Variants in NPAS3 observed in about 807,000 individuals in gnomAD.
NPAS3 encodes neuronal PAS domain-containing protein 3.
NPAS3 carries 14 observed loss-of-function variants against 73.1 expected under a neutral mutation model. The ratio of observed to expected loss-of-function variants is 0.19; its 90% CI spans 0.13 to 0.30. The LOEUF (loss-of-function observed/expected upper bound fraction) is 0.30. NPAS3 is among the 10% of genes least tolerant of loss of function. NPAS3 has a pLI of 1.00. For missense variants in NPAS3, 1,096 were observed against 1,250.0 expected (o/e 0.88, Z 1.86); for synonymous variants, 620 against 541.5 (o/e 1.14, Z -2.01).
intron 3 of NPAS3, among the ~76,000 whole-genome samples, chr14:33,366,503 G>A (rs2045852278): frequency 6.6e-6 from 1 of 152,072 alleles, no homozygotes; most frequent in African/African-American, 2.4e-5. Flanking sequence ...GGAGTGTTCG[G>A]GAACTCCAGA....
chr14:33,334,923 G>A (rs1459748006), intron 3 of NPAS3, among the ~76,000 whole-genome samples: 1 of 152,010 alleles, frequency 6.6e-6, no homozygotes, highest in Non-Finnish European at 1.5e-5. Flanking sequence ...TGTGATGTTT[G>A]GTTTTCCATT....
intron 2 of NPAS3, among the ~76,000 whole-genome samples, chr14:33,151,162 CTT>C (rs1451649934): frequency 3.3e-5 from 5 of 152,208 alleles, no homozygotes; most frequent in Non-Finnish European, 7.3e-5. Context: ...TAACCGGCCT[CTT>C]TGTCAAGTTT....
At chr14:33,117,156 G>T (rs890347944) in intron 2 of NPAS3, among the ~76,000 whole-genome samples, 15 of 151,786 alleles carry the variant, frequency 9.9e-5, no homozygotes, top group Admixed American at 8.5e-4. Flanking sequence ...TCCAATCAGG[G>T]TATTTAGCAT....
intron 3 of NPAS3, among the ~76,000 whole-genome samples, chr14:33,276,882 G>A (rs2041360457): frequency 6.6e-6 from 1 of 152,066 alleles, no homozygotes; most frequent in Non-Finnish European, 1.5e-5. Context: ...CTGAGGGAAT[G>A]ATTGGTAGAT....
At chr14:33,005,029 A>G (rs2038952317) in intron 1 of NPAS3, among the ~76,000 whole-genome samples, 3 of 151,902 alleles carry the variant, frequency 2.0e-5, no homozygotes, top group Non-Finnish European at 4.4e-5. Context: ...ATACCTCCTG[A>G]AGAATCTGCC....
chr14:33,463,470 G>A (rs868767512), intron 4 of NPAS3, among the ~76,000 whole-genome samples: 13 of 152,050 alleles, frequency 8.5e-5, no homozygotes, highest in Admixed American at 2.0e-4. Flanking sequence ...AAATAATGAC[G>A]CAGTAATTAT....
chr14:33,460,936 A>G (rs540647408), intron 4 of NPAS3, among the ~76,000 whole-genome samples: 1 of 152,332 alleles, frequency 6.6e-6, no homozygotes, highest in East Asian at 1.9e-4. Context: ...TTTTTTAAAA[A>G]CAATCTTCTG....
intron 2 of NPAS3, among the ~76,000 whole-genome samples, chr14:33,089,928 C>T (rs1320758703): frequency 1.3e-5 from 2 of 152,164 alleles, no homozygotes; most frequent in African/African-American, 4.8e-5. Flanking sequence ...AAATAAAATC[C>T]TTTACAGACA....
At chr14:33,427,344 G>A (rs2048597583) in intron 4 of NPAS3, among the ~76,000 whole-genome samples, 1 of 151,860 alleles carries the variant, frequency 6.6e-6, no homozygotes, top group Non-Finnish European at 1.5e-5. Context: ...TCCTTAAAAA[G>A]TACAAACCAG....
intron 5 of NPAS3, among the ~76,000 whole-genome samples, chr14:33,662,759 T>C (rs558370176): frequency 6.6e-6 from 1 of 152,282 alleles, no homozygotes; most frequent in African/African-American, 2.4e-5. Context: ...TTGTCTATTA[T>C]TGGTGTATAG....
intron 3 of NPAS3, among the ~76,000 whole-genome samples, chr14:33,224,789 T>TTATGATTCTATGAAATCACAA: frequency 6.6e-6 from 1 of 152,152 alleles, no homozygotes; most frequent in Non-Finnish European, 1.5e-5. Flanking sequence ...TTTTATCATG[T>TTATGATTCTATGAAATCACAA]TATGATTCTA....
chr14:33,544,831 G>GTATA (rs1226225610), intron 4 of NPAS3, among the ~76,000 whole-genome samples: 4 of 81,102 alleles, frequency 4.9e-5, no homozygotes, highest in African/African-American at 2.1e-4. Flanking sequence ...ATATATATGT[G>GTATA]TATATATATA....
intron 4 of NPAS3, among the ~76,000 whole-genome samples, chr14:33,448,683 A>G (rs926658802): frequency 2.0e-5 from 3 of 152,222 alleles, no homozygotes; most frequent in African/African-American, 7.2e-5. Flanking sequence ...GGTCTTTATC[A>G]TAATGAGGAA....
intron 2 of NPAS3, among the ~76,000 whole-genome samples, chr14:33,115,330 A>G (rs2043027213): frequency 6.6e-6 from 1 of 152,168 alleles, no homozygotes; most frequent in East Asian, 1.9e-4. Flanking sequence ...AGGTAGGTGC[A>G]GTGAATTCAG....
chr14:33,651,461 C>G (rs1221031857), intron 5 of NPAS3, among the ~76,000 whole-genome samples: 1 of 152,124 alleles, frequency 6.6e-6, no homozygotes, highest in Admixed American at 6.5e-5. Context: ...CCTGAAGACT[C>G]TCTTTTAGGT....
At chr14:33,644,559 G>C (rs539782555) in intron 5 of NPAS3, among the ~76,000 whole-genome samples, 8 of 152,228 alleles carry the variant, frequency 5.3e-5, no homozygotes, top group African/African-American at 1.9e-4. Flanking sequence ...ATCACTTTGA[G>C]GTAGGTTTAG....
intron 4 of NPAS3, among the ~76,000 whole-genome samples, chr14:33,544,118 A>AT (rs1251388832): frequency 6.6e-6 from 1 of 151,668 alleles, no homozygotes; most frequent in African/African-American, 2.4e-5. Context: ...TAATATTATT[A>AT]TTAAAATCTT....
At chr14:33,582,308 A>G (rs980113548) in intron 5 of NPAS3, 2 of 152,202 alleles carry the variant, frequency 1.3e-5, no homozygotes, top group Non-Finnish European at 2.9e-5. Context: ...AGAGATTTTC[A>G]TAATGTCTGC....
intron 2 of NPAS3, among the ~76,000 whole-genome samples, chr14:33,134,270 C>T (rs1035655828): frequency 1.3e-5 from 2 of 151,500 alleles, no homozygotes; most frequent in African/African-American, 4.9e-5. Context: ...TATATCATAG[C>T]AAAGAGGTTT....
Sources: allele counts gnomAD v4.1 joint callset (sites outside exome capture counted in the v4.1 genomes callset), GRCh38; gene constraint gnomAD v4.1.1; transcripts MANE v1.5; gene names NCBI Gene and HGNC (gene_info 2026-07-23, HGNC 2026-07-21).